Variants in ZPBP observed in about 807,000 individuals in gnomAD.
The protein encoded by ZPBP is zona pellucida-binding protein 1.
In ZPBP, 26 loss-of-function variants were observed where a neutral mutation model predicts 44.8. The observed-to-expected ratio is 0.58, with a 90% CI of 0.43 to 0.81. The LOEUF (loss-of-function observed/expected upper bound fraction) is 0.81. ZPBP is among the 30% of genes least tolerant of loss of function. The pLI is 0.00. For missense variants in ZPBP, 409 were observed against 434.0 expected, an observed-to-expected ratio of 0.94 and a Z score of 0.51; for synonymous variants, 174 against 153.2, an observed-to-expected ratio of 1.14 and a Z score of -1.00.
At chr7:50,021,797 A>G (rs1355070579) in intron 5 of ZPBP, among the ~76,000 whole-genome samples, 1 of 152,162 alleles carries the variant, frequency 6.6e-6, no homozygotes, top group Non-Finnish European at 1.5e-5. Context: ...CAAAGTGGGC[A>G]TGTAAGCTCC....
chr7:50,082,291 T>C (rs1242761934), intron 2 of ZPBP, among the ~76,000 whole-genome samples: 4 of 151,858 alleles, frequency 2.6e-5, no homozygotes, highest in Non-Finnish European at 4.4e-5. Context: ...AGCTTAAAAA[T>C]TGTTTAGATT....
At chr7:49,982,952 A>C (rs1797095307) in intron 7 of ZPBP, among the ~76,000 whole-genome samples, 1 of 152,090 alleles carries the variant, frequency 6.6e-6, no homozygotes, top group Non-Finnish European at 1.5e-5. Flanking sequence ...TCATATACTT[A>C]TTTCACAAGG....
rs71018432 is a variant in ZPBP at position 49,875,369 on chromosome 7, CAAAA to C, written n.510-24859_510-24856del. ...TGGGTAACAGAGTGAGATTCTGACTCAAAAAAAAAAAAAAAAAAAAAAAAAAAAC... is the reference window on the plus strand; with the variant it reads ...TGGGTAACAGAGTGAGATTCTGACTCAAAAAAAAAAAAAAAAAAAAAAAAC... On this transcript the variant is annotated intron_variant and non_coding_transcript_variant, in intron 2 of 2. Transcript: ENST00000465922. Among the ~76,000 whole-genome samples the C allele has an allele frequency of 8.4e-4, 16 of 19,012 alleles. 1 individual carries two copies. Among genetic ancestry groups the C allele is most frequent in the Admixed American group, 1.9e-3 (2 of 1,068 alleles). 12.5% of individuals were successfully genotyped at this position (19,012 alleles called of 152,430 possible). A position where few individuals can be genotyped will look rare whatever the true frequency, so the allele number is the denominator to read the frequency against.
At chr7:49,983,626 G>A (rs1797126742) in intron 6 of ZPBP, 107 bp from the exon 7 acceptor site, 2 of 695,208 alleles carry the variant, frequency 2.9e-6, no homozygotes, top group South Asian at 1.9e-5. Flanking sequence ...AAGTCTCAAG[G>A]TCATTATTTT....
intron 7 of ZPBP, among the ~76,000 whole-genome samples, chr7:49,968,931 AAG>A (rs1166289113): frequency 1.3e-5 from 2 of 152,022 alleles, no homozygotes; most frequent in African/African-American, 2.4e-5. Context: ...GGATGAATAA[AAG>A]AGCTAGTCAC....
chr7:50,007,808 A>T (rs1798376745), intron 6 of ZPBP, among the ~76,000 whole-genome samples: 1 of 151,992 alleles, frequency 6.6e-6, no homozygotes, highest in South Asian at 2.1e-4. Context: ...GGTATTTTTT[A>T]AAAATTAATG....
intron 5 of ZPBP, among the ~76,000 whole-genome samples, chr7:50,023,576 CA>C (rs1799192258): frequency 6.6e-6 from 1 of 151,956 alleles, no homozygotes; most frequent in Non-Finnish European, 1.5e-5. Context: ...GCATAATGTT[CA>C]GCTTTCCACA....
chr7:49,872,772 C>T (rs563268986), intron 2 of ZPBP, among the ~76,000 whole-genome samples: 3 of 145,862 alleles, frequency 2.1e-5, no homozygotes, highest in African/African-American at 7.5e-5. Flanking sequence ...AAAAATTAGT[C>T]CGGTGTGGTG....
intron 2 of ZPBP, among the ~76,000 whole-genome samples, chr7:49,899,106 C>T (rs1193152825): frequency 1.3e-5 from 2 of 152,026 alleles, no homozygotes; most frequent in East Asian, 3.8e-4. Flanking sequence ...AGAAATCAGA[C>T]ACATAGACTA....
chr7:49,999,142 C>T (rs1797986064), intron 6 of ZPBP, among the ~76,000 whole-genome samples: 1 of 151,706 alleles, frequency 6.6e-6, no homozygotes, highest in Admixed American at 6.6e-5. Context: ...GATACTCAAC[C>T]TGCCGCATAT....
chr7:50,027,185 G>C (rs1693884348), intron 5 of ZPBP, among the ~76,000 whole-genome samples: 1 of 152,004 alleles, frequency 6.6e-6, no homozygotes, highest in East Asian at 1.9e-4. Context: ...CCACACCAGA[G>C]ACCATATCTT....
intron 4 of ZPBP, among the ~76,000 whole-genome samples, chr7:50,049,720 G>A (rs1800589468): frequency 1.3e-5 from 2 of 151,784 alleles, no homozygotes; most frequent in Admixed American, 1.3e-4. Context: ...ATACTCAATG[G>A]TGAAAGACTA....
At chr7:49,918,440 A>G (rs1278251761) in intron 1 of ZPBP, 2 of 152,222 alleles carry the variant, frequency 1.3e-5, no homozygotes, top group African/African-American at 4.8e-5. Context: ...GATACTTGTC[A>G]AAGTAAATAG....
chr7:50,029,714 A>G (rs1357735393), intron 5 of ZPBP, among the ~76,000 whole-genome samples: 1 of 152,234 alleles, frequency 6.6e-6, no homozygotes, highest in Non-Finnish European at 1.5e-5. Context: ...GAGCACAGGA[A>G]AAGATGCTCA....
chr7:49,934,628 T>A (rs901839454), downstream of ZPBP, among the ~76,000 whole-genome samples: 2 of 152,136 alleles, frequency 1.3e-5, no homozygotes, highest in African/African-American at 4.8e-5. Context: ...GGAAACAGCA[T>A]AACTTATTCA....
intron 2 of ZPBP, among the ~76,000 whole-genome samples, chr7:49,886,145 A>T (rs1791895802): frequency 6.6e-6 from 1 of 152,216 alleles, no homozygotes; most frequent in Non-Finnish European, 1.5e-5. Context: ...AAGTACAGAT[A>T]AGGAAGCATC....
chr7:49,967,015 A>G (rs947246335), intron 7 of ZPBP, among the ~76,000 whole-genome samples: 3 of 152,082 alleles, frequency 2.0e-5, no homozygotes, highest in African/African-American at 7.2e-5. Context: ...AATGGACTAA[A>G]AGAGCTACTT....
In ZPBP at chr7:49,889,005, G is replaced by C. The variant is rs368816736; in HGVS notation, n.509+12113C>G. ...GCTGGGGATGACCCATTGGGCTGACGCAAGTAGGGGCCACCTGGACCACAC... is the reference window on the plus strand; with the variant it reads ...GCTGGGGATGACCCATTGGGCTGACCCAAGTAGGGGCCACCTGGACCACAC... On this transcript the variant is annotated intron_variant and non_coding_transcript_variant, in intron 2 of 2. Transcript: ENST00000465922. 5.3e-5 allele frequency among the ~76,000 whole-genome samples: 8 copies of C among 152,292 alleles called. No homozygotes were observed. In the East Asian group the frequency reaches 1.5e-3, roughly 29 times the overall value.
At chr7:50,018,173 G>A (rs1048654842) in intron 6 of ZPBP, 67 bp downstream of exon 6, 1 of 1,139,378 alleles carries the variant, frequency 8.8e-7, no homozygotes, top group Non-Finnish European at 1.3e-6. Context: ...TAGCTAGGAT[G>A]CTTACTTACA....
Sources: gnomAD v4.1 joint callset for allele counts (sites outside exome capture counted in the v4.1 genomes callset) on GRCh38, gnomAD v4.1.1 for gene constraint, MANE v1.5 for transcripts, NCBI Gene and HGNC (gene_info 2026-07-23, HGNC 2026-07-21) for gene names.